Variants in CD8B2 observed in about 807,000 individuals in gnomAD.
CD8B2 encodes the protein CD8B family member 2.
A neutral mutation model predicts 23.7 loss-of-function variants in CD8B2; 11 were observed. That is an observed-to-expected ratio of 0.46 (90% CI 0.29 to 0.77). The LOEUF (loss-of-function observed/expected upper bound fraction) is 0.77, where lower values mean the gene tolerates loss of function less well. CD8B2 is among the 30% of genes least tolerant of loss of function. The pLI is 0.09. For synonymous variants in CD8B2, 90 were observed against 109.3 expected, an observed-to-expected ratio of 0.82 and a Z score of 1.10; for missense variants, 197 against 270.5, an observed-to-expected ratio of 0.73 and a Z score of 1.91.
chr2:106,511,466 A>G (rs1182634705), downstream of CD8B2, among the ~76,000 whole-genome samples: 2 of 98,546 alleles, frequency 2.0e-5, no homozygotes, highest in Non-Finnish European at 3.7e-5. Context: ...CCTTCCTTTC[A>G]GTGGGAAGTA....
At chr2:106,490,730 G>C in intron 1 of CD8B2, 144 bp from the exon 2 acceptor site, 1 of 1,445,224 alleles carries the variant, frequency 6.9e-7, no homozygotes, top group African/African-American at 1.4e-5. Flanking sequence ...GGAGCCAACA[G>C]CTGTGCTCAA....
chr2:106,500,564 T>TAAATAAATAAA (rs1194192057), intron 3 of CD8B2, among the ~76,000 whole-genome samples: 63 of 101,724 alleles, frequency 6.2e-4, no homozygotes, highest in Non-Finnish European at 1.3e-3. Flanking sequence ...AAATAAATAA[T>TAAATAAATAAA]TAAAAAATAC....
At chr2:106,516,218 A>T (rs1679727917) in intron 5 of CD8B2, among the ~76,000 whole-genome samples, 1 of 152,112 alleles carries the variant, frequency 6.6e-6, no homozygotes. Flanking sequence ...CTGTCTGTGC[A>T]TTCCTTTCCC....
chr2:106,489,964 C>T (rs4372896), intron 1 of CD8B2, among the ~76,000 whole-genome samples: 109,201 of 151,808 alleles, frequency 0.72, 39,783 homozygotes, highest in East Asian at 0.99. Flanking sequence ...CCCTGCTTGC[C>T]GGGTGCTTCT....
chr2:106,506,147 AAG>A (rs1679501804), intron 5 of CD8B2, among the ~76,000 whole-genome samples: 2 of 152,104 alleles, frequency 1.3e-5, no homozygotes, highest in African/African-American at 4.8e-5. Context: ...AAAAAAAAAA[AAG>A]AAAGTTCCGT....
intron 5 of CD8B2, among the ~76,000 whole-genome samples, chr2:106,519,788 G>GA (rs1174200318): frequency 1.3e-5 from 2 of 152,062 alleles, no homozygotes; most frequent in South Asian, 2.1e-4. Flanking sequence ...TGCTAAAAAA[G>GA]AAAAAAATTG....
chr2:106,494,187 A>C (rs924017717), intron 2 of CD8B2, among the ~76,000 whole-genome samples: 1 of 141,594 alleles, frequency 7.1e-6, no homozygotes, highest in African/African-American at 2.7e-5. Flanking sequence ...AGTCACTGTC[A>C]CCCAGGCTGG....
At chr2:106,490,399 T>C (rs747228375) in intron 1 of CD8B2, among the ~76,000 whole-genome samples, 6 of 152,148 alleles carry the variant, frequency 3.9e-5, no homozygotes, top group African/African-American at 1.4e-4. Flanking sequence ...TGGTGGTACA[T>C]GCCTATAGTC....
chr2:106,491,284 C>T (rs552741506), intron 2 of CD8B2, 51 bp downstream of exon 2: 37 of 1,406,706 alleles, frequency 2.6e-5, no homozygotes, highest in South Asian at 6.4e-5. Context: ...GTGCCAGGCA[C>T]GTGCCAGGCA....
intron 5 of CD8B2, among the ~76,000 whole-genome samples, chr2:106,530,628 C>G (rs1327571570): frequency 6.6e-6 from 1 of 152,140 alleles, no homozygotes; most frequent in Non-Finnish European, 1.5e-5. Context: ...ATCCACCCAG[C>G]TCGGCCTCCC....
downstream of CD8B2, among the ~76,000 whole-genome samples, chr2:106,513,951 G>A (rs1380651837): frequency 6.6e-6 from 1 of 152,106 alleles, no homozygotes; most frequent in Non-Finnish European, 1.5e-5. Flanking sequence ...CACAAGACAA[G>A]CAGGCTTTGG....
intron 3 of CD8B2, among the ~76,000 whole-genome samples, chr2:106,502,122 C>T (rs1679418606): frequency 6.6e-6 from 1 of 151,438 alleles, no homozygotes. Flanking sequence ...ATGATAAAAC[C>T]CTCTCTCTAC....
chr2:106,494,544 T>G (rs1679263184), intron 2 of CD8B2, among the ~76,000 whole-genome samples: 2 of 152,126 alleles, frequency 1.3e-5, no homozygotes, highest in East Asian at 1.9e-4. Flanking sequence ...TCCTTCCATT[T>G]TGGAGAAAAT....
intron 5 of CD8B2, among the ~76,000 whole-genome samples, chr2:106,541,128 G>A (rs1402952901): frequency 6.6e-6 from 1 of 152,174 alleles, no homozygotes; most frequent in East Asian, 1.9e-4. Context: ...GGTGTGGTTT[G>A]AGGTAGGCCA....
At chr2:106,535,127 C>T (rs932566246) in intron 5 of CD8B2, 4 of 152,222 alleles carry the variant, frequency 2.6e-5, no homozygotes, top group Non-Finnish European at 5.9e-5. Flanking sequence ...CGGCCAAGAC[C>T]TAATGTTTTG....
At position 106,487,469 on chromosome 2, in the gene CD8B2, G is replaced by A. The variant is rs986517039; in HGVS notation, c.43G>A (p.Val15Ile). ...GCTCCTCCTGGCCGCGCAGCTGACA[G>A]GTAAGGCGGCGGCGCGCGGGCTGCC... ...LWLLLAAQLT[V>I]LHGNSVLQQT... The change falls in exon 1 of 6, where the codon GTT becomes ATT. Residue 15 changes from valine to isoleucine, a missense_variant and splice_region_variant. By Grantham distance (29) the Val-to-Ile change is conservative. This residue lies in a region of CD8B2 where 140 missense variants were observed against 164.2 expected (regional missense o/e 0.85). Transcript: ENST00000643224. The A allele has an allele frequency of 2.4e-6, 3 of 1,245,562 alleles. No homozygotes were observed. The African/African-American group carries it at 4.7e-5, about 19-fold the overall frequency. 77.2% of individuals were successfully genotyped at this position (1,245,562 alleles called of 1,614,324 possible).
chr2:106,530,562 G>T (rs956177594), intron 5 of CD8B2, among the ~76,000 whole-genome samples: 10 of 152,126 alleles, frequency 6.6e-5, no homozygotes, highest in Admixed American at 1.3e-4. Flanking sequence ...TGTATTTTTA[G>T]TAGAGATGGG....
chr2:106,521,287 A>G (rs746583807), intron 5 of CD8B2, among the ~76,000 whole-genome samples: 2 of 152,156 alleles, frequency 1.3e-5, no homozygotes, highest in African/African-American at 4.8e-5. Context: ...TCCCTACTGC[A>G]CAAGTGGCTG....
In CD8B2 at chr2:106,507,196, A is replaced by G; in HGVS notation, c.*256A>G. 7.7e-7 allele frequency: 1 copy of G among 1,295,440 alleles called. No individual in the cohort carries two copies. The highest frequency in any genetic ancestry group is 2.6e-5 in the South Asian group (1 of 39,062). 80.2% of individuals were successfully genotyped at this position (1,295,440 alleles called of 1,614,324 possible). A position where few individuals can be genotyped will look rare whatever the true frequency, so the allele number is the denominator to read the frequency against. On this transcript the variant is annotated 3_prime_UTR_variant, in exon 6 of 6. Coordinates refer to ENST00000643224, the MANE Select transcript of CD8B2 (RefSeq NM_001349727.2). Reference sequence around the variant, plus strand: ...CACAGAGTGTGCTGGAGGACTGAGTAAGAAATGCTGCCCATGCCACCGCTT... The same window carrying G: ...CACAGAGTGTGCTGGAGGACTGAGTGAGAAATGCTGCCCATGCCACCGCTT...
Sources: allele counts gnomAD v4.1 joint callset (sites outside exome capture counted in the v4.1 genomes callset), GRCh38; gene constraint gnomAD v4.1.1; regional missense constraint gnomAD v4.1.1; transcripts MANE v1.5; gene names NCBI Gene and HGNC (gene_info 2026-07-23, HGNC 2026-07-21).